The following SYT15B variants were observed in gnomAD, a reference collection of about 807,000 sequenced individuals.
SYT15B encodes synaptotagmin 15B.
chr10:47,756,734 G>C, the SYT15B span, among the ~76,000 whole-genome samples: 3 of 152,400 alleles, frequency 2.0e-5, no homozygotes, highest in East Asian at 5.8e-4. Context: ...AAATGGGGTG[G>C]GACATGTGGG....
chr10:47,763,420 G>C, the SYT15B span: 1 of 984,672 alleles, frequency 1.0e-6, no homozygotes. Flanking sequence ...TGTCCGTGAG[G>C]GGCTCTCGTA....
the SYT15B span, chr10:47,760,638 T>C: frequency 4.0e-6 from 3 of 754,320 alleles, no homozygotes; most frequent in Non-Finnish European, 6.2e-6. Context: ...AAGCACTTCA[T>C]AAATGAAAGC....
chr10:47,761,102 GCACACACACACA>G, the SYT15B span, among the ~76,000 whole-genome samples: 12 of 145,576 alleles, frequency 8.2e-5, no homozygotes, highest in African/African-American at 2.3e-4. Flanking sequence ...ACACACACAC[GCACACACACACA>G]CACACACACA....
chr10:47,750,929 A>G, the SYT15B span: 1 of 150,796 alleles, frequency 6.6e-6, no homozygotes, highest in Non-Finnish European at 1.5e-5. Context: ...GTCAATTAGT[A>G]TAAGTCATCA....
chr10:47,762,797 C>T, the SYT15B span: 190 of 1,294,930 alleles, frequency 1.5e-4, no homozygotes, highest in South Asian at 2.1e-3. Flanking sequence ...GCGCAGTGCA[C>T]GGCAGGGGCA....
At chr10:47,755,555 C>CTTTTT in the SYT15B span, among the ~76,000 whole-genome samples, 20 of 82,982 alleles carry the variant, frequency 2.4e-4, 1 homozygote, top group East Asian at 8.1e-4. Flanking sequence ...GTGCCCGGCC[C>CTTTTT]TTTTTTTTTT....
chr10:47,749,547 T>C, the SYT15B span, among the ~76,000 whole-genome samples: 1 of 143,738 alleles, frequency 7.0e-6, no homozygotes, highest in Non-Finnish European at 1.5e-5. Flanking sequence ...TGTGAGATCA[T>C]AGCATTGTCT....
the SYT15B span, among the ~76,000 whole-genome samples, chr10:47,745,344 G>C: frequency 1.4e-5 from 2 of 147,708 alleles, no homozygotes; most frequent in African/African-American, 5.0e-5. Context: ...TCTGGAAATG[G>C]AAGTCTGGGA....
the SYT15B span, among the ~76,000 whole-genome samples, chr10:47,755,187 T>C: frequency 5.5e-4 from 84 of 151,540 alleles, no homozygotes; most frequent in East Asian, 1.6e-3. Flanking sequence ...GATCTCTTGA[T>C]GTCGTAATCC....
At chr10:47,755,445 C>G in the SYT15B span, among the ~76,000 whole-genome samples, 1 of 151,564 alleles carries the variant, frequency 6.6e-6, no homozygotes, top group African/African-American at 2.4e-5. Context: ...TTAGTAGAGA[C>G]GTGGTTTCAC....
At chr10:47,750,429 TTTTA>T in the SYT15B span, among the ~76,000 whole-genome samples, 18 of 115,900 alleles carry the variant, frequency 1.6e-4, no homozygotes, top group African/African-American at 4.5e-4. Context: ...TTGATCTAAA[TTTTA>T]TTTATTTATT....
the SYT15B span, among the ~76,000 whole-genome samples, chr10:47,747,286 T>G: frequency 6.6e-6 from 1 of 151,988 alleles, no homozygotes; most frequent in South Asian, 2.1e-4. Context: ...CAAGATATCA[T>G]GTAGAAGGGA....
chr10:47,747,496 G>C, the SYT15B span, among the ~76,000 whole-genome samples: 29 of 136,762 alleles, frequency 2.1e-4, no homozygotes, highest in African/African-American at 6.8e-4. Flanking sequence ...TAGATAGACG[G>C]GCAAACCAGA....
chr10:47,762,987 T>C, the SYT15B span: 3 of 1,256,610 alleles, frequency 2.4e-6, no homozygotes, highest in Non-Finnish European at 3.0e-6. Flanking sequence ...CAGGGTGCGG[T>C]GAGAGTACCA....
chr10:47,763,164 TC>T, the SYT15B span: 1 of 988,116 alleles, frequency 1.0e-6, no homozygotes, highest in Admixed American at 6.2e-5. Context: ...GGGGGAGCCT[TC>T]CCGGATCCCG....
the SYT15B span, among the ~76,000 whole-genome samples, chr10:47,744,994 A>T: frequency 2.0e-5 from 3 of 151,894 alleles, no homozygotes; most frequent in Non-Finnish European, 4.4e-5. Context: ...CTTCCTCTTG[A>T]TTCCTCCCCC....
At chr10:47,745,859 G>A in the SYT15B span, among the ~76,000 whole-genome samples, 1 of 150,516 alleles carries the variant, frequency 6.6e-6, no homozygotes, top group African/African-American at 2.4e-5. Flanking sequence ...TTTGGAGCTT[G>A]GCTATGTGAC....
At chr10:47,755,384 T>C in the SYT15B span, among the ~76,000 whole-genome samples, 2 of 152,212 alleles carry the variant, frequency 1.3e-5, no homozygotes, top group African/African-American at 4.8e-5. Flanking sequence ...GCCTCCCAAG[T>C]AGCTGGGACT....
the SYT15B span, chr10:47,763,447 C>A: frequency 1.2e-6 from 1 of 866,340 alleles, no homozygotes; most frequent in Non-Finnish European, 1.4e-6. Context: ...GCTGGCCTGC[C>A]GGTAACTTAA....
Sources: gnomAD v4.1 joint callset for allele counts (sites outside exome capture counted in the v4.1 genomes callset) on GRCh38, gnomAD v4.1.1 for gene constraint, MANE v1.5 for transcripts, NCBI Gene and HGNC (gene_info 2026-07-23, HGNC 2026-07-21) for gene names.